TTC29: variants seen among roughly 807,000 people sequenced by gnomAD.
TTC29 encodes the protein tetratricopeptide repeat domain 29.
TTC29 carries 49 observed loss-of-function variants against 58.1 expected under a neutral mutation model. The observed-to-expected ratio is 0.84, with a 90% CI of 0.67 to 1.07. TTC29 has a LOEUF of 1.07. Ranked by LOEUF, TTC29 falls within the 50% of genes least tolerant of loss-of-function variation. TTC29 has a pLI of 0.00. For missense variants in TTC29, 582 were observed against 555.6 expected, an observed-to-expected ratio of 1.05 and a Z score of -0.48; for synonymous variants, 209 against 196.8, an observed-to-expected ratio of 1.06 and a Z score of -0.52.
intron 5 of TTC29, 112 bp downstream of exon 5, chr4:146,908,914 G>T (rs1733704981): frequency 1.1e-6 from 1 of 894,054 alleles, no homozygotes; most frequent in Non-Finnish European, 1.8e-6. Context: ...GGGTTGAAGT[G>T]TGCTAAGTTG....
chr4:146,716,444 T>C (rs558146316), intron 11 of TTC29, among the ~76,000 whole-genome samples: 10 of 152,244 alleles, frequency 6.6e-5, no homozygotes, highest in African/African-American at 2.4e-4. Context: ...TGAGGTATGA[T>C]TGACATAATA....
At chr4:146,790,456 A>G (rs1749358529) in intron 11 of TTC29, among the ~76,000 whole-genome samples, 1 of 151,728 alleles carries the variant, frequency 6.6e-6, no homozygotes, top group Non-Finnish European at 1.5e-5. Flanking sequence ...CAAAGTGCTG[A>G]GATTACAGGC....
At chr4:146,907,662 T>TA (rs1355598375) in intron 5 of TTC29, among the ~76,000 whole-genome samples, 1 of 152,146 alleles carries the variant, frequency 6.6e-6, no homozygotes, top group Non-Finnish European at 1.5e-5. Flanking sequence ...CATGCCCGGC[T>TA]AATTTTTTTG....
intron 11 of TTC29, among the ~76,000 whole-genome samples, chr4:146,764,774 G>A (rs180755950): frequency 6.6e-5 from 10 of 152,186 alleles, no homozygotes; most frequent in Admixed American, 2.0e-4. Context: ...GCTTGGAGAC[G>A]TGGTGCTGAG....
chr4:146,825,453 T>C (rs1189116412), intron 9 of TTC29, among the ~76,000 whole-genome samples: 1 of 152,256 alleles, frequency 6.6e-6, no homozygotes, highest in Non-Finnish European at 1.5e-5. Flanking sequence ...TTGATTGCAC[T>C]GTGATCTGAG....
intron 4 of TTC29, among the ~76,000 whole-genome samples, chr4:146,927,019 C>T (rs1281233577): frequency 6.8e-6 from 1 of 147,310 alleles, no homozygotes; most frequent in Non-Finnish European, 1.5e-5. Flanking sequence ...ATTGCTTAAA[C>T]CCAGGAGGTG....
rs1008330449 is a variant in TTC29, at chr4:146,756,101, C to T, written c.1330+47356G>A. Among the ~76,000 whole-genome samples, 16 of 152,012 alleles carry T rather than the reference C, an allele frequency of 1.1e-4. 1 individual carries two copies. The highest frequency in any genetic ancestry group is 1.5e-4 in the Non-Finnish European group (10 of 67,974). On this transcript the variant is annotated intron_variant, in intron 11 of 12. Transcript: ENST00000325106. The stretch of plus-strand genomic sequence containing the variant: ...CATACTGGCTAACATAATGAAACCC[C>T]GTTTCTACTAAAAATACAAAAAATT...
At chr4:146,786,928 C>T (rs2150096156) in intron 11 of TTC29, among the ~76,000 whole-genome samples, 1 of 151,564 alleles carries the variant, frequency 6.6e-6, no homozygotes, top group South Asian at 2.1e-4. Context: ...GGCTAGGTAA[C>T]ATAGTAAAAA....
intron 11 of TTC29, among the ~76,000 whole-genome samples, chr4:146,793,315 C>T (rs888140314): frequency 3.3e-5 from 5 of 152,064 alleles, no homozygotes; most frequent in African/African-American, 1.2e-4. Context: ...TAAGAAATTA[C>T]CAGAGCCACC....
intron 11 of TTC29, among the ~76,000 whole-genome samples, chr4:146,766,633 A>G (rs1747345650): frequency 6.6e-6 from 1 of 152,112 alleles, no homozygotes; most frequent in Non-Finnish European, 1.5e-5. Context: ...TTGCTAAATT[A>G]CATTGCAGTG....
At chr4:146,738,106 C>A (rs576151210) in intron 11 of TTC29, among the ~76,000 whole-genome samples, 1 of 152,266 alleles carries the variant, frequency 6.6e-6, no homozygotes, top group Non-Finnish European at 1.5e-5. Flanking sequence ...ATGGACTGAG[C>A]GGGAGGCACT....
At chr4:146,831,801 G>T (rs1417982690) in intron 9 of TTC29, 10 of 418,488 alleles carry the variant, frequency 2.4e-5, no homozygotes, top group South Asian at 1.7e-4. Flanking sequence ...GTCTCTGGAA[G>T]TTTCAAAAAT....
intron 10 of TTC29, among the ~76,000 whole-genome samples, chr4:146,817,304 C>T (rs1369921409): frequency 2.6e-5 from 4 of 152,020 alleles, no homozygotes; most frequent in East Asian, 3.9e-4. Flanking sequence ...AAACAGAGAG[C>T]CAAATCATGA....
At chr4:146,708,326 A>ACATACATG (rs1338504792) in intron 11 of TTC29, among the ~76,000 whole-genome samples, 11 of 39,318 alleles carry the variant, frequency 2.8e-4, no homozygotes, top group African/African-American at 5.7e-4. Context: ...ATATATATAT[A>ACATACATG]TATATATATA....
rs780356872 is a variant in TTC29, at chr4:146,909,179, C to T, written c.247G>A (p.Glu83Lys). The change falls in exon 5 of 13, where the codon GAG becomes AAG. Residue 83 changes from glutamate to lysine, a missense_variant. Glu to Lys is a moderately conservative substitution (Grantham distance 56). Coordinates refer to ENST00000325106, the MANE Select transcript of TTC29 (RefSeq NM_031956.4). ...CACCGCTCCATCAGAGCGAAGAGCT[C>T]GGTGAAGGACTTATGATAACCATCT... ...LRDGYHKSFT[E>K]LFALMERWDA... 12 of 1,613,610 alleles carry T rather than the reference C, an allele frequency of 7.4e-6. No individual in the cohort carries two copies. The highest frequency in any genetic ancestry group is 1.3e-5 in the African/African-American group (1 of 74,898).
At chr4:146,927,080 CAAAA>C (rs55786171) in intron 4 of TTC29, among the ~76,000 whole-genome samples, 1 of 110,086 alleles carries the variant, frequency 9.1e-6, no homozygotes, top group Non-Finnish European at 1.9e-5. Context: ...GACCCCATCT[CAAAA>C]AAAAAAAAAA....
chr4:146,931,194 C>T lies in TTC29; in HGVS notation c.176+6400G>A, dbSNP rs1345634993. 2.6e-5 allele frequency among the ~76,000 whole-genome samples: 4 copies of T among 151,804 alleles called. No homozygotes were observed. The East Asian group carries it at 7.7e-4, about 29-fold the overall frequency. On this transcript the variant is annotated intron_variant, in intron 4 of 12. Transcript: ENST00000325106. Reference sequence around the variant, plus strand: ...CCTGTCTCTACAAAAAAAAAAGTCCCCTCACTGATTAGTATTATAAGTTTG... The same window carrying T: ...CCTGTCTCTACAAAAAAAAAAGTCCTCTCACTGATTAGTATTATAAGTTTG...
intron 4 of TTC29, among the ~76,000 whole-genome samples, chr4:146,925,806 G>T (rs1334041184): frequency 6.6e-6 from 1 of 152,154 alleles, no homozygotes; most frequent in African/African-American, 2.4e-5. Context: ...CCCAAGGGAG[G>T]TTCTGGATCC....
intron 11 of TTC29, among the ~76,000 whole-genome samples, chr4:146,783,681 T>C (rs1748790012): frequency 6.6e-6 from 1 of 152,128 alleles, no homozygotes; most frequent in Non-Finnish European, 1.5e-5. Flanking sequence ...AGAAAGGAGC[T>C]AAGTCTCAGG....
Sources: gnomAD v4.1 joint callset for allele counts (sites outside exome capture counted in the v4.1 genomes callset) on GRCh38, gnomAD v4.1.1 for gene constraint, MANE v1.5 for transcripts, NCBI Gene and HGNC (gene_info 2026-07-23, HGNC 2026-07-21) for gene names.